Variants in PRKCB observed in about 807,000 individuals in gnomAD.
PRKCB encodes the protein protein kinase C beta type.
A neutral mutation model predicts 81.5 loss-of-function variants in PRKCB; 13 were observed. The ratio of observed to expected loss-of-function variants is 0.16; its 90% CI spans 0.10 to 0.25. PRKCB has a LOEUF of 0.25. Among genes scored for constraint, PRKCB ranks in the 10% least tolerant of loss-of-function variants. PRKCB has a pLI of 1.00. For synonymous variants in PRKCB, 335 were observed against 321.4 expected, an observed-to-expected ratio of 1.04 and a Z score of -0.45; for missense variants, 509 against 875.7, an observed-to-expected ratio of 0.58 and a Z score of 5.29.
intron 3 of PRKCB, among the ~76,000 whole-genome samples, chr16:24,006,474 A>G (rs763260554): frequency 6.6e-6 from 1 of 152,250 alleles, no homozygotes; most frequent in Non-Finnish European, 1.5e-5. Flanking sequence ...TGTAGAGGGC[A>G]TAGCTGTGGT....
intron 2 of PRKCB, among the ~76,000 whole-genome samples, chr16:23,956,349 T>C (rs985973444): frequency 3.9e-5 from 6 of 152,174 alleles, no homozygotes; most frequent in African/African-American, 7.2e-5. Flanking sequence ...AGTAACTTTT[T>C]CCCTTATTAA....
At chr16:23,889,588 A>G (rs1963258977) in intron 2 of PRKCB, among the ~76,000 whole-genome samples, 1 of 152,234 alleles carries the variant, frequency 6.6e-6, no homozygotes, top group African/African-American at 2.4e-5. Flanking sequence ...GTGGGGCCGT[A>G]TGAGTAGCTC....
intron 2 of PRKCB, among the ~76,000 whole-genome samples, chr16:23,844,609 G>A (rs1197831717): frequency 2.0e-5 from 3 of 151,712 alleles, no homozygotes; most frequent in South Asian, 2.1e-4. Context: ...CCAGGTTCAC[G>A]CCATTCTCCT....
At chr16:24,104,165 T>G (rs405322) in intron 7 of PRKCB, among the ~76,000 whole-genome samples, 66,560 of 152,038 alleles carry the variant, frequency 0.44, 16,035 homozygotes, top group Non-Finnish European at 0.54. Context: ...AAATGTGTAG[T>G]GTTTATTAAG....
At chr16:23,912,338 T>A (rs1251755974) in intron 2 of PRKCB, among the ~76,000 whole-genome samples, 1 of 152,012 alleles carries the variant, frequency 6.6e-6, no homozygotes, top group Non-Finnish European at 1.5e-5. Flanking sequence ...TAGTGCAGCC[T>A]CACCTGATCA....
intron 3 of PRKCB, among the ~76,000 whole-genome samples, chr16:23,998,985 A>G (rs1410145325): frequency 6.6e-6 from 1 of 152,226 alleles, no homozygotes. Flanking sequence ...TTGGCAGCCT[A>G]CCTGAAATGA....
At chr16:24,137,730 G>GGTTAC (rs1966869819) in intron 9 of PRKCB, among the ~76,000 whole-genome samples, 1 of 152,068 alleles carries the variant, frequency 6.6e-6, no homozygotes, top group Admixed American at 6.6e-5. Context: ...ATGAATCCCT[G>GGTTAC]GTTACTAACA....
chr16:23,849,520 A>AT (rs994243329), intron 2 of PRKCB, among the ~76,000 whole-genome samples: 4 of 151,920 alleles, frequency 2.6e-5, no homozygotes, highest in East Asian at 1.9e-4. Context: ...GTATGTGTGG[A>AT]TTTTTTTTGG....
Position 23,973,339 on chromosome 16 carries a change from G to A in PRKCB, c.206-15169G>A, listed in dbSNP as rs543294452. ...TGGGATTACAAGCACCCGCCACCAC[G>A]CCCGGCTAATTTTTGTATTTTTAGT... is the stretch of plus-strand genomic sequence containing the variant. On this transcript the variant is annotated intron_variant, in intron 2 of 16. Coordinates refer to ENST00000643927, the MANE Select transcript of PRKCB (RefSeq NM_002738.7). Among the ~76,000 whole-genome samples, 14 of 152,110 alleles carry A rather than the reference G, an allele frequency of 9.2e-5. No individual in the cohort carries two copies. The South Asian group carries it at 2.5e-3, about 27-fold the overall frequency.
At chr16:24,052,971 C>G (rs1965861072) in intron 5 of PRKCB, among the ~76,000 whole-genome samples, 1 of 152,212 alleles carries the variant, frequency 6.6e-6, no homozygotes, top group Non-Finnish European at 1.5e-5. Context: ...CTCTGAGAAC[C>G]ACTGCATTGG....
intron 5 of PRKCB, among the ~76,000 whole-genome samples, chr16:24,036,204 G>GCGC (rs1491112197): frequency 5.4e-5 from 8 of 147,408 alleles, no homozygotes; most frequent in African/African-American, 1.7e-4. Context: ...GTGAGAGGAG[G>GCGC]AGCTGCTGGT....
chr16:23,896,043 C>T (rs1047354846), intron 2 of PRKCB, among the ~76,000 whole-genome samples: 6 of 147,806 alleles, frequency 4.1e-5, no homozygotes, highest in African/African-American at 1.5e-4. Context: ...AATTATGAAT[C>T]TTTGTCCTTT....
chr16:24,104,323 T>C (rs576891034), intron 7 of PRKCB, among the ~76,000 whole-genome samples: 1 of 152,374 alleles, frequency 6.6e-6, no homozygotes, highest in South Asian at 2.1e-4. Flanking sequence ...ATGCGTTTTC[T>C]CTATAATTTT....
At chr16:23,911,035 T>G (rs1963642925) in intron 2 of PRKCB, among the ~76,000 whole-genome samples, 1 of 151,890 alleles carries the variant, frequency 6.6e-6, no homozygotes, top group Admixed American at 6.6e-5. Context: ...ATTGGGTGGA[T>G]GGACCATATT....
intron 9 of PRKCB, among the ~76,000 whole-genome samples, chr16:24,133,408 A>C (rs1460827551): frequency 6.6e-6 from 1 of 152,126 alleles, no homozygotes; most frequent in East Asian, 1.9e-4. Flanking sequence ...GGGATTCCTA[A>C]GAGGGCCCAT....
chr16:24,002,140 G>C (rs1965042833), intron 3 of PRKCB, among the ~76,000 whole-genome samples: 1 of 152,142 alleles, frequency 6.6e-6, no homozygotes, highest in Admixed American at 6.5e-5. Flanking sequence ...CTGGGCCGAT[G>C]CTGGATTACC....
intron 9 of PRKCB, among the ~76,000 whole-genome samples, chr16:24,133,292 G>A (rs538382344): frequency 1.3e-5 from 2 of 152,186 alleles, no homozygotes; most frequent in African/African-American, 4.8e-5. Context: ...GTGATGGAGG[G>A]CTCTGGGTTT....
intron 2 of PRKCB, among the ~76,000 whole-genome samples, chr16:23,937,778 G>T (rs747624963): frequency 6.6e-6 from 1 of 152,150 alleles, no homozygotes; most frequent in South Asian, 2.1e-4. Context: ...ATGACCACAG[G>T]CCTCTTACGA....
chr16:24,173,763 G>A (rs888268259), intron 11 of PRKCB, among the ~76,000 whole-genome samples: 3 of 152,190 alleles, frequency 2.0e-5, no homozygotes, highest in Non-Finnish European at 4.4e-5. Flanking sequence ...TTAGACAGAT[G>A]TTGTTTCTTA....
Sources: allele counts gnomAD v4.1 joint callset (sites outside exome capture counted in the v4.1 genomes callset), GRCh38; gene constraint gnomAD v4.1.1; transcripts MANE v1.5; gene names NCBI Gene and HGNC (gene_info 2026-07-23, HGNC 2026-07-21).